Variants in KIF21B observed in about 807,000 individuals in gnomAD.
The protein encoded by KIF21B is kinesin-like protein KIF21B.
A neutral mutation model predicts 192.9 loss-of-function variants in KIF21B; 85 were observed. The ratio of observed to expected loss-of-function variants is 0.44; its 90% CI spans 0.37 to 0.53. The LOEUF is 0.53. KIF21B is among the 20% of genes least tolerant of loss of function. KIF21B has a pLI of 0.00. For missense variants in KIF21B, 1,716 were observed against 2,194.8 expected, an observed-to-expected ratio of 0.78 and a Z score of 4.36; for synonymous variants, 832 against 884.6, an observed-to-expected ratio of 0.94 and a Z score of 1.05.
In KIF21B at chr1:201,000,440, C is replaced by T; in HGVS notation, c.1635G>A (p.Lys545=). Reference sequence around the variant, plus strand: ...TCTTCTTTAGCCGCTCCAGGTCCTGCTTGGCCCTGCGGATCACCTCCGAGG... The same window carrying T: ...TCTTCTTTAGCCGCTCCAGGTCCTGTTTGGCCCTGCGGATCACCTCCGAGG... ...EDASEVIRRA[K]QDLERLKKKE... The change falls in exon 11 of 35, where the codon AAG becomes AAA. Residue 545 remains lysine, a synonymous_variant. Coordinates refer to ENST00000461742, the MANE Select transcript of KIF21B (RefSeq NM_001252102.2). This position sits in a 1 kb window ranked among gnomAD's most constrained non-coding sequence, Gnocchi z 6.0. 1 of 1,575,898 alleles carries T rather than the reference C, an allele frequency of 6.3e-7. No individual in the cohort carries two copies. The highest frequency in any genetic ancestry group is 8.6e-7 in the Non-Finnish European group (1 of 1,164,046).
At chr1:201,003,122 T>C (rs1657593874) in intron 8 of KIF21B, 1 of 171,320 alleles carries the variant, frequency 5.8e-6, no homozygotes, top group Non-Finnish European at 1.3e-5. Flanking sequence ...CCTTTTTCCA[T>C]GAGGCCCTCT....
rs1657347421 is a variant in KIF21B, at chr1:200,999,794, C to CG, written c.1767+88_1767+89insC. 342 of 1,288,804 alleles carry CG rather than the reference C, an allele frequency of 2.7e-4. 5 individuals carry two copies. The South Asian group carries it at 4.0e-3, about 15-fold the overall frequency. 79.8% of individuals were successfully genotyped at this position (1,288,804 alleles called of 1,614,324 possible). On this transcript the variant is annotated intron_variant, in intron 12 of 34. Transcript: ENST00000461742. The surrounding 1 kb of genome is among the most constrained non-coding windows in gnomAD (Gnocchi z 4.7). ...TGCAGACCCAACCGCCTCCTTCACT[C>CG]CATACAAGGATGCGGATGGGGCCCC...
chr1:200,992,093 G>C (rs576891738), intron 16 of KIF21B, among the ~76,000 whole-genome samples, 189 bp downstream of exon 16: 1 of 152,330 alleles, frequency 6.6e-6, no homozygotes, highest in Non-Finnish European at 1.5e-5. Context: ...CTTAACATGT[G>C]GGGGCTGGAC....
chr1:200,993,320 G>C (rs1468349164), intron 15 of KIF21B, among the ~76,000 whole-genome samples: 2 of 152,188 alleles, frequency 1.3e-5, no homozygotes, highest in African/African-American at 2.4e-5. Flanking sequence ...TCCTTCCTCT[G>C]GTCACCTTGG....
chr1:200,999,268 T>C lies in KIF21B; in HGVS notation c.1885+81A>G, dbSNP rs1436221252. 6.4e-7 allele frequency: 1 copy of C among 1,561,620 alleles called. No homozygotes were observed. Among genetic ancestry groups the C allele is most frequent in the Non-Finnish European group, 8.8e-7 (1 of 1,134,600 alleles). On this transcript the variant is annotated intron_variant, in intron 13 of 34. Coordinates refer to ENST00000461742, the MANE Select transcript of KIF21B (RefSeq NM_001252102.2). The surrounding 1 kb of genome is among the most constrained non-coding windows in gnomAD (Gnocchi z 4.7). ...TGCTGGGGCCTGGACACCATTATCT[T>C]TGAGCAGGGCCCGACCCCACACTTG... is the stretch of plus-strand genomic sequence containing the variant.
At chr1:200,986,362 T>G (rs1362033563) in intron 26 of KIF21B, among the ~76,000 whole-genome samples, 1 of 135,772 alleles carries the variant, frequency 7.4e-6, no homozygotes, top group East Asian at 2.2e-4. Context: ...CTTTTTTTTT[T>G]CTTTTTTTTT....
chr1:200,986,752 G>T, intron 26 of KIF21B, 92 bp downstream of exon 26: 1 of 1,145,216 alleles, frequency 8.7e-7, no homozygotes, highest in Non-Finnish European at 1.3e-6. Flanking sequence ...CTGTGTACAA[G>T]ATGATCAACA....
intron 27 of KIF21B, among the ~76,000 whole-genome samples, chr1:200,984,586 C>T (rs1656163087): frequency 6.6e-6 from 1 of 152,222 alleles, no homozygotes. Flanking sequence ...CCCCATGCGA[C>T]CAGCCCACCT....
intron 30 of KIF21B, among the ~76,000 whole-genome samples, chr1:200,978,492 C>T (rs1655712052): frequency 6.6e-6 from 1 of 151,480 alleles, no homozygotes; most frequent in Non-Finnish European, 1.5e-5. Flanking sequence ...ACACCCCCCA[C>T]CAGAAAGCTG....
Position 200,987,045 on chromosome 1 carries a change from G to C in KIF21B, c.3565C>G (p.Arg1189Gly), listed in dbSNP as rs376964063. The change falls in exon 25 of 35, where the codon CGG becomes GGG. Residue 1189 changes from arginine to glycine, a missense_variant. Physicochemically the swap from Arg to Gly is moderately radical, Grantham distance 125 (BLOSUM62 -2). Coordinates refer to ENST00000461742, the MANE Select transcript of KIF21B (RefSeq NM_001252102.2). ...VGFSVRDPYY[R>G]DRVSRTVSLP... Reference sequence around the variant, plus strand: ...CTGACGGTGCGCGAGACCCTGTCCCGGTAATAGGGGTCTCGGACAGAGAAG... The same window carrying C: ...CTGACGGTGCGCGAGACCCTGTCCCCGTAATAGGGGTCTCGGACAGAGAAG... The C allele has an allele frequency of 9.3e-6, 15 of 1,613,928 alleles. No homozygotes were observed. Among genetic ancestry groups the C allele is most frequent in the Admixed American group, 1.7e-5 (1 of 59,968 alleles).
Position 201,000,791 on chromosome 1 carries a change from A to G in KIF21B, c.1403-11T>C, listed in dbSNP as rs747511492. The G allele has an allele frequency of 7.4e-6, 12 of 1,613,988 alleles. No individual in the cohort carries two copies. The highest frequency in any genetic ancestry group is 1.0e-5 in the Non-Finnish European group (12 of 1,179,990). The stretch of plus-strand genomic sequence containing the variant: ...CCTCATTGCCATCGCCTGGAGTGGG[A>G]CGGCGGGAAGAAGGGTGCGATAAAG... On this transcript the variant is annotated splice_polypyrimidine_tract_variant and intron_variant, in intron 9 of 34. Transcript: ENST00000461742. This position sits in a 1 kb window ranked among gnomAD's most constrained non-coding sequence, Gnocchi z 6.0.
Position 201,009,362 on chromosome 1 carries a change from CAGGTCGAAGACAAAGTCATAGGTGAAGG to C in KIF21B, c.140_167del (p.Ala47GlyfsTer13). 6.2e-7 allele frequency: 1 copy of C among 1,614,270 alleles called. No homozygotes were observed. The highest frequency in any genetic ancestry group is 1.1e-5 in the South Asian group (1 of 91,086). ...AATAGATCTGTTCTTGCCAGGTGTC[CAGGTCGAAGACAAAGTCATAGGTGAAGG>C]CCTTGTCCTTCCCCAGCAGGACCTG... On this transcript the variant is annotated frameshift_variant, in exon 2 of 35. Coordinates refer to ENST00000461742, the MANE Select transcript of KIF21B (RefSeq NM_001252102.2). LOFTEE classifies it high-confidence loss of function.
chr1:200,993,025 C>G (rs1656806495), intron 15 of KIF21B, among the ~76,000 whole-genome samples: 2 of 152,220 alleles, frequency 1.3e-5, no homozygotes. Flanking sequence ...CATCGCCTCC[C>G]AGTCAGCTCT....
chr1:201,001,884 G>T (rs1657519396), intron 9 of KIF21B: 3 of 480,926 alleles, frequency 6.2e-6, no homozygotes, highest in Non-Finnish European at 1.1e-5. Flanking sequence ...CTTCTGAGAA[G>T]TAGAGAGGGC....
At position 200,990,501 on chromosome 1, in the gene KIF21B, A is replaced by G. The variant is rs542245075; in HGVS notation, c.2835+75T>C. 4.0e-4 allele frequency: 631 copies of G among 1,560,294 alleles called. 1 individual carries two copies. Among genetic ancestry groups the G allele is most frequent in the Non-Finnish European group, 5.0e-4 (577 of 1,143,902 alleles). ...GGAAGTGGGGCAGGGAAAGGTCTGA[A>G]GAGCCAGAGAAGTTGGAGGTGTCAG... On this transcript the variant is annotated intron_variant, in intron 19 of 34. Transcript: ENST00000461742. This position sits in a 1 kb window ranked among gnomAD's most constrained non-coding sequence, Gnocchi z 5.4.
chr1:201,003,308 G>T, intron 8 of KIF21B: 1 of 511,834 alleles, frequency 2.0e-6, no homozygotes. Flanking sequence ...CTGTGCACAA[G>T]ATCTATGCAA....
chr1:200,989,558 T>A (rs1325307463), intron 21 of KIF21B, among the ~76,000 whole-genome samples: 2 of 152,216 alleles, frequency 1.3e-5, no homozygotes, highest in Non-Finnish European at 2.9e-5. Context: ...CTGGGTGGAA[T>A]GTGGTCTGTC....
In KIF21B at chr1:200,973,401, G is replaced by A. The variant is rs1655326928; in HGVS notation, c.*120C>T. 1 of 1,246,516 alleles carries A rather than the reference G, an allele frequency of 8.0e-7. No individual in the cohort carries two copies. Among genetic ancestry groups the A allele is most frequent in the East Asian group, 3.1e-5 (1 of 32,040 alleles). The allele number at this position is 1,246,516 out of a possible 1,614,324, so 77.2% of individuals were successfully genotyped here. ...CCAAGGGAGAGGGAGGAGGGCAGGA[G>A]AGGGGGCCACGCCCTCTGTCCCCAG... On this transcript the variant is annotated 3_prime_UTR_variant, in exon 35 of 35. Transcript: ENST00000461742.
chr1:201,020,808 TACACACACACAC>T (rs60686711), intron 1 of KIF21B, among the ~76,000 whole-genome samples: 48 of 142,816 alleles, frequency 3.4e-4, no homozygotes, highest in Non-Finnish European at 5.6e-4. Context: ...CTCTCTCCTC[TACACACACACAC>T]ACACACACAC....
Sources: allele counts gnomAD v4.1 joint callset (sites outside exome capture counted in the v4.1 genomes callset), GRCh38; gene constraint gnomAD v4.1.1; non-coding constraint Gnocchi (gnomAD v3.1); transcripts MANE v1.5; gene names NCBI Gene and HGNC (gene_info 2026-07-23, HGNC 2026-07-21).